The following BRI3 variants were observed in gnomAD, a reference collection of about 807,000 sequenced individuals.
BRI3 encodes membrane protein BRI3.
In BRI3, 6 loss-of-function variants were observed where a neutral mutation model predicts 12.8. The ratio of observed to expected loss-of-function variants is 0.47; its 90% CI spans 0.26 to 0.93. The LOEUF is 0.93. Ranked by LOEUF, BRI3 falls within the 40% of genes least tolerant of loss-of-function variation. The pLI, the probability that BRI3 is intolerant of heterozygous loss-of-function variation, is 0.15. For missense variants in BRI3, 134 were observed against 171.1 expected, an observed-to-expected ratio of 0.78 and a Z score of 1.21; for synonymous variants, 91 against 76.1, an observed-to-expected ratio of 1.20 and a Z score of -1.02.
At chr7:98,304,574 G>A (rs1246893127), upstream of BRI3, among the ~76,000 whole-genome samples, 7 of 152,062 alleles carry the variant, frequency 4.6e-5, no homozygotes, top group Admixed American at 6.6e-5. Flanking sequence ...TTGCGACAGA[G>A]TCTCACTCTG....
At chr7:98,289,381 A>G (rs776026893) in intron 2 of BRI3, among the ~76,000 whole-genome samples, 1 of 152,222 alleles carries the variant, frequency 6.6e-6, no homozygotes, top group Non-Finnish European at 1.5e-5. Flanking sequence ...TGCTTTGCCC[A>G]GCAGGGGTGG....
At chr7:98,300,485 T>C (rs913178639) in intron 1 of BRI3, among the ~76,000 whole-genome samples, 2 of 152,210 alleles carry the variant, frequency 1.3e-5, no homozygotes, top group African/African-American at 4.8e-5. Context: ...AGCATGCAGA[T>C]GACCGCGCCA....
chr7:98,298,203 T>TGG (rs2116803778), intron 1 of BRI3, among the ~76,000 whole-genome samples: 1 of 152,352 alleles, frequency 6.6e-6, no homozygotes, highest in South Asian at 2.1e-4. Flanking sequence ...AGGACAGCTG[T>TGG]GGGGCTTCCC....
chr7:98,307,520 C>A, exon 2 of BRI3: 5 of 1,449,470 alleles, frequency 3.4e-6, no homozygotes, highest in Non-Finnish European at 4.5e-6. Context: ...CACAGACATA[C>A]AGAAAATAGC....
chr7:98,315,439 G>C (rs1189212622), downstream of BRI3: 4 of 1,390,840 alleles, frequency 2.9e-6, no homozygotes, highest in Non-Finnish European at 3.8e-6. Flanking sequence ...TACGCTCAAG[G>C]CAATTTGCCA....
the BRI3 span, among the ~76,000 whole-genome samples, chr7:98,318,494 C>G: frequency 6.6e-6 from 1 of 151,950 alleles, no homozygotes; most frequent in Non-Finnish European, 1.5e-5. Flanking sequence ...GTCAGCCAGG[C>G]TGGTCTCGAA....
rs1457727051 is a variant in BRI3, at chr7:98,282,578, C to T, written c.245+125C>T. On this transcript the variant is annotated intron_variant, in intron 2 of 2. Coordinates refer to ENST00000297290, the MANE Select transcript of BRI3 (RefSeq NM_015379.5). ...CTTGACTTGGATCTTGACCAGAGCC[C>T]TTTATGGGAGGGACAGACAGGCTGC... 6.5e-6 allele frequency: 5 copies of T among 766,302 alleles called. No individual in the cohort carries two copies. The Admixed American group carries it at 1.2e-4, about 18-fold the overall frequency. The allele number at this position is 766,302 out of a possible 1,614,324, so 47.5% of individuals were successfully genotyped here.
downstream of BRI3, among the ~76,000 whole-genome samples, chr7:98,315,134 C>T (rs1017449777): frequency 6.7e-6 from 1 of 149,514 alleles, no homozygotes; most frequent in Non-Finnish European, 1.5e-5. Flanking sequence ...TACGTATGGA[C>T]TGATTGAGAC....
downstream of BRI3, chr7:98,310,661 C>T: frequency 2.4e-6 from 3 of 1,252,840 alleles, no homozygotes; most frequent in Non-Finnish European, 2.1e-6. Flanking sequence ...ATTCCCAAGG[C>T]TGTTTTTTTT....
At chr7:98,298,449 A>G (rs1398058237) in intron 1 of BRI3, among the ~76,000 whole-genome samples, 1 of 152,152 alleles carries the variant, frequency 6.6e-6, no homozygotes, top group Non-Finnish European at 1.5e-5. Flanking sequence ...CATCTCTAAT[A>G]AAAATACAAA....
downstream of BRI3, among the ~76,000 whole-genome samples, chr7:98,295,140 C>T (rs574756396): frequency 2.6e-5 from 4 of 152,366 alleles, no homozygotes; most frequent in East Asian, 7.7e-4. Flanking sequence ...GAGGCCCTCT[C>T]ATGCCCGATG....
chr7:98,321,362 C>T, the BRI3 span, among the ~76,000 whole-genome samples: 1 of 152,126 alleles, frequency 6.6e-6, no homozygotes, highest in Non-Finnish European at 1.5e-5. Flanking sequence ...TTTTTTCTCA[C>T]GTTAGTTCTT....
At chr7:98,304,142 C>T, upstream of BRI3, 1 of 1,486,746 alleles carries the variant, frequency 6.7e-7, no homozygotes. Context: ...CTGCGCCTCC[C>T]AGTCGGGGAT....
downstream of BRI3, chr7:98,291,594 C>T: frequency 2.0e-6 from 2 of 1,018,164 alleles, no homozygotes; most frequent in Non-Finnish European, 2.4e-6. Context: ...CCCCATCGCT[C>T]CCCCGGCCAG....
chr7:98,295,222 G>A (rs1800139367), downstream of BRI3, among the ~76,000 whole-genome samples: 1 of 152,218 alleles, frequency 6.6e-6, no homozygotes, highest in Non-Finnish European at 1.5e-5. Context: ...GGCCTCCACT[G>A]CATGTTGGGT....
chr7:98,303,942 G>A (rs190800233), upstream of BRI3, among the ~76,000 whole-genome samples: 208 of 152,334 alleles, frequency 1.4e-3, no homozygotes, highest in African/African-American at 5.0e-3. Context: ...AACTAGAGGC[G>A]ACTGTGTGTA....
In BRI3 at chr7:98,281,727, G is replaced by A. The variant is rs1208692889; in HGVS notation, c.-69G>A. On this transcript the variant is annotated 5_prime_UTR_variant, in exon 1 of 3. Coordinates refer to ENST00000297290, the MANE Select transcript of BRI3 (RefSeq NM_015379.5). ...CCCGGTCCGCCGCGTCCCCGCCGCC[G>A]CCGCCGCGTCCCCCGCCGGGGCCGA... The A allele has an allele frequency of 1.7e-5, 14 of 847,680 alleles. No homozygotes were observed. Among genetic ancestry groups the A allele is most frequent in the Non-Finnish European group, 2.0e-5 (14 of 711,662 alleles). The allele number at this position is 847,680 out of a possible 1,614,324, so 52.5% of individuals were successfully genotyped here. A position where few individuals can be genotyped will look rare whatever the true frequency, so the allele number is the denominator to read the frequency against.
At chr7:98,286,443 C>T (rs766160174) in intron 2 of BRI3, among the ~76,000 whole-genome samples, 1 of 152,190 alleles carries the variant, frequency 6.6e-6, no homozygotes, top group South Asian at 2.1e-4. Context: ...CCTCCCTGGC[C>T]GCGTGGCTTA....
At chr7:98,304,138 C>A, upstream of BRI3, 1 of 1,480,768 alleles carries the variant, frequency 6.8e-7, no homozygotes, top group Admixed American at 2.5e-5. Context: ...GGACCTGCGC[C>A]TCCCAGTCGG....
Sources: allele counts gnomAD v4.1 joint callset (sites outside exome capture counted in the v4.1 genomes callset), GRCh38; gene constraint gnomAD v4.1.1; transcripts MANE v1.5; gene names NCBI Gene and HGNC (gene_info 2026-07-23, HGNC 2026-07-21).